Variants in MTR observed in about 807,000 individuals in gnomAD.
The protein encoded by MTR is methionine synthase.
Under a neutral mutation model 154.8 loss-of-function variants are expected in MTR, and 84 were observed. The observed-to-expected ratio is 0.54, with a 90% CI of 0.45 to 0.65. MTR has a LOEUF of 0.65. Ranked by LOEUF, MTR falls within the 30% of genes least tolerant of loss-of-function variation. The pLI is 0.00. For missense variants in MTR, 1,275 were observed against 1,570.2 expected, an observed-to-expected ratio of 0.81 and a Z score of 3.18; for synonymous variants, 554 against 553.9, an observed-to-expected ratio of 1.00 and a Z score of 0.00.
chr1:236,846,679 C>A (rs1298066300), intron 15 of MTR, among the ~76,000 whole-genome samples: 1 of 152,102 alleles, frequency 6.6e-6, no homozygotes, highest in African/African-American at 2.4e-5. Context: ...AATAGGCAAT[C>A]TCTAGATCAT....
In MTR at chr1:236,880,825, A is replaced by C. The variant is rs1553326540; in HGVS notation, c.2665A>C (p.Ser889Arg). 5 of 1,614,100 alleles carry C rather than the reference A, an allele frequency of 3.1e-6. No homozygotes were observed. Among genetic ancestry groups the C allele is most frequent in the Non-Finnish European group, 4.2e-6 (5 of 1,179,962 alleles). The change falls in exon 25 of 33, where the codon AGT (serine) becomes CGT (arginine). Residue 889 changes from serine to arginine, a missense_variant. Coordinates refer to ENST00000366577, the MANE Select transcript of MTR (RefSeq NM_000254.3). ...PVIHVLDASK[S>R]VVVCSQLLDE... ...AATCCATGTCCTGGACGCGTCCAAG[A>C]GTGTGGTGGTGGTAAGTGGGTGACC...
At chr1:236,819,731 C>T (rs1252003376) in intron 8 of MTR, 7 of 730,494 alleles carry the variant, frequency 9.6e-6, no homozygotes, top group East Asian at 5.3e-5. Context: ...AACTTGACTT[C>T]CAAATGAAGC....
At chr1:236,874,702 T>C in intron 23 of MTR, 24 bp from the exon 24 acceptor site, 2 of 1,528,330 alleles carry the variant, frequency 1.3e-6, no homozygotes, top group Non-Finnish European at 1.8e-6. Context: ...TTTGTCCTTT[T>C]TTTTTTAAAA....
intron 16 of MTR, among the ~76,000 whole-genome samples, chr1:236,851,791 G>T (rs1663920223): frequency 6.6e-6 from 1 of 152,122 alleles, no homozygotes; most frequent in Non-Finnish European, 1.5e-5. Flanking sequence ...CCATACTAAA[G>T]ATTTATCTGT....
In MTR at chr1:236,874,861, T is replaced by G; in HGVS notation, c.2594+15T>G. Reference sequence around the variant, plus strand: ...ACCACTTCAAAGTAAGTTATACTAATGAGCTTTGTCCTCACTTCAAATTTT... The same window carrying G: ...ACCACTTCAAAGTAAGTTATACTAAGGAGCTTTGTCCTCACTTCAAATTTT... On this transcript the variant is annotated intron_variant, in intron 24 of 32. Transcript: ENST00000366577. 6.2e-6 allele frequency: 10 copies of G among 1,612,618 alleles called. No homozygotes were observed. Among genetic ancestry groups the G allele is most frequent in the South Asian group, 1.1e-5 (1 of 91,044 alleles).
chr1:236,838,649 T>C (rs749751684), intron 15 of MTR, 50 bp downstream of exon 15: 6 of 1,605,888 alleles, frequency 3.7e-6, no homozygotes, highest in Non-Finnish European at 5.1e-6. Context: ...GGTTAGATAG[T>C]GGTGGGAGAA....
chr1:236,839,749 C>A (rs1663122145), intron 15 of MTR, among the ~76,000 whole-genome samples: 1 of 152,112 alleles, frequency 6.6e-6, no homozygotes, highest in Non-Finnish European at 1.5e-5. Context: ...GATATGTGTT[C>A]ACATTTATTG....
At chr1:236,869,365 AAAG>A (rs1456220046) in intron 22 of MTR, among the ~76,000 whole-genome samples, 5 of 152,156 alleles carry the variant, frequency 3.3e-5, no homozygotes, top group Non-Finnish European at 5.9e-5. Flanking sequence ...GCACTTAAAA[AAAG>A]AGTTTTTTTG....
At position 236,894,791 on chromosome 1, in the gene MTR, CT is replaced by C; in HGVS notation, c.3405+235del. The C allele has an allele frequency of 5.3e-6, 3 of 568,064 alleles. No individual in the cohort carries two copies. The South Asian group carries it at 6.3e-5, about 12-fold the overall frequency. 35.2% of individuals were successfully genotyped at this position (568,064 alleles called of 1,614,324 possible). A position where few individuals can be genotyped will look rare whatever the true frequency, so the allele number is the denominator to read the frequency against. The stretch of plus-strand genomic sequence containing the variant: ...AAACCTTGAATGGTGCCACAGTTGG[CT>C]GTTGCTCTTAGAGCCTTTATCTCTA... On this transcript the variant is annotated intron_variant, in intron 30 of 32. Coordinates refer to ENST00000366577, the MANE Select transcript of MTR (RefSeq NM_000254.3).
rs1234590735 is a variant in MTR at position 236,869,706 on chromosome 1, T to C, written c.2406-4067T>C. 3.1e-5 allele frequency among the ~76,000 whole-genome samples: 3 copies of C among 96,628 alleles called. No homozygotes were observed. In the South Asian group the frequency reaches 1.1e-3, roughly 36 times the overall value. 63.4% of individuals were successfully genotyped at this position (96,628 alleles called of 152,430 possible). On this transcript the variant is annotated intron_variant, in intron 22 of 32. Transcript: ENST00000366577. Reference sequence around the variant, plus strand: ...TGTGTAGGGGTAAAACAGGAGGTTGTGGTAGAGGTGAGAGGGATGGTGGGA... The same window carrying C: ...TGTGTAGGGGTAAAACAGGAGGTTGCGGTAGAGGTGAGAGGGATGGTGGGA...
intron 5 of MTR, among the ~76,000 whole-genome samples, chr1:236,811,114 G>A (rs1244973426): frequency 2.6e-5 from 4 of 152,178 alleles, no homozygotes; most frequent in Admixed American, 6.5e-5. Context: ...AGGCAAGGAG[G>A]AGCAAGTCAC....
chr1:236,821,862 G>GA (rs1661972885), intron 8 of MTR, among the ~76,000 whole-genome samples: 1 of 152,140 alleles, frequency 6.6e-6, no homozygotes, highest in African/African-American at 2.4e-5. Flanking sequence ...AAGATTAGTT[G>GA]AATGTATTTG....
chr1:236,895,923 C>T (rs1022727346), intron 31 of MTR, among the ~76,000 whole-genome samples: 31 of 152,308 alleles, frequency 2.0e-4, no homozygotes, highest in Non-Finnish European at 2.8e-4. Flanking sequence ...TTGCTTCATG[C>T]TCTTGTCTCA....
chr1:236,800,401 A>C, intron 1 of MTR: 2 of 985,350 alleles, frequency 2.0e-6, no homozygotes. Flanking sequence ...TCACCCACTT[A>C]AGTTCACGTG....
chr1:236,896,774 C>T (rs1666646737), intron 31 of MTR, among the ~76,000 whole-genome samples: 1 of 152,168 alleles, frequency 6.6e-6, no homozygotes, highest in Non-Finnish European at 1.5e-5. Flanking sequence ...TTTCCCAGGC[C>T]TGTCCCCCTG....
At position 236,797,958 on chromosome 1, in the gene MTR, CAAAAA is replaced by C. The variant is rs754624577; in HGVS notation, c.34+2226_34+2230del. Among the ~76,000 whole-genome samples, 818 of 139,680 alleles carry C rather than the reference CAAAAA, an allele frequency of 5.9e-3. 12 individuals are homozygous for C. Among genetic ancestry groups the C allele is most frequent in the African/African-American group, 0.021 (762 of 36,190 alleles). The allele number at this position is 139,680 out of a possible 152,430, so 91.6% of individuals were successfully genotyped here. A position where few individuals can be genotyped will look rare whatever the true frequency, so the allele number is the denominator to read the frequency against. On this transcript the variant is annotated intron_variant, in intron 1 of 32. Transcript: ENST00000366577. The stretch of plus-strand genomic sequence containing the variant: ...GGGTGAGAGAGTGAGACTTAGTCTC[CAAAAA>C]AAAACAAAACAAAACAAAACAAAAC...
chr1:236,839,016 A>G (rs1396136400), intron 15 of MTR, among the ~76,000 whole-genome samples: 1 of 152,222 alleles, frequency 6.6e-6, no homozygotes, highest in African/African-American at 2.4e-5. Flanking sequence ...CGAAACAGAA[A>G]ATTTACAGTA....
intron 13 of MTR, among the ~76,000 whole-genome samples, chr1:236,832,928 T>C (rs1179418383): frequency 6.6e-6 from 1 of 152,216 alleles, no homozygotes; most frequent in Non-Finnish European, 1.5e-5. Context: ...GTTTCACCAC[T>C]TCCTCTGTTG....
chr1:236,857,971 T>G (rs866159467), intron 18 of MTR, among the ~76,000 whole-genome samples: 1 of 152,150 alleles, frequency 6.6e-6, no homozygotes, highest in African/African-American at 2.4e-5. Flanking sequence ...GGCATGGTCA[T>G]AGGTACTGCA....
Sources: gnomAD v4.1 joint callset for allele counts (sites outside exome capture counted in the v4.1 genomes callset) on GRCh38, gnomAD v4.1.1 for gene constraint, MANE v1.5 for transcripts, NCBI Gene and HGNC (gene_info 2026-07-23, HGNC 2026-07-21) for gene names.